NCOA2: variants seen among roughly 807,000 people sequenced by gnomAD.
NCOA2 encodes nuclear receptor coactivator 2.
In NCOA2, 21 loss-of-function variants were observed where a neutral mutation model predicts 145.1. The observed-to-expected ratio is 0.14, with a 90% CI of 0.10 to 0.21. The LOEUF is 0.21. NCOA2 is among the 10% of genes least tolerant of loss of function. NCOA2 has a pLI of 1.00. For synonymous variants in NCOA2, 619 were observed against 637.5 expected (o/e 0.97, Z 0.44); for missense variants, 1,472 against 1,837.6 (o/e 0.80, Z 3.64).
chr8:70,131,984 A>G lies in NCOA2; in HGVS notation c.3177T>C (p.Ser1059=), dbSNP rs747718361. ...ASQNRQPFGS[S]PDDLLCPHPA... ...GATGTGGACATAGCAAGTCATCTGG[A>G]GAACTGCCAAATGGCTGCCTGTAAA... is the stretch of plus-strand genomic sequence containing the variant. Residue 1059 remains serine, a synonymous_variant, in exon 16 of 23, where the codon TCT becomes TCC. Coordinates refer to ENST00000452400, the MANE Select transcript of NCOA2 (RefSeq NM_006540.4). 1.2e-6 allele frequency: 2 copies of G among 1,612,526 alleles called. No homozygotes were observed. Among genetic ancestry groups the G allele is most frequent in the Non-Finnish European group, 8.5e-7 (1 of 1,179,368 alleles).
At chr8:70,142,335 T>C (rs1021441296) in intron 13 of NCOA2, among the ~76,000 whole-genome samples, 10 of 152,206 alleles carry the variant, frequency 6.6e-5, no homozygotes, top group African/African-American at 2.4e-4. Context: ...ACATGCATTG[T>C]GGGCGTTTCT....
At chr8:70,249,779 A>T (rs1270501299) in intron 2 of NCOA2, among the ~76,000 whole-genome samples, 1 of 151,702 alleles carries the variant, frequency 6.6e-6, no homozygotes, top group Non-Finnish European at 1.5e-5. Flanking sequence ...CCTGGCTAAC[A>T]TGGTGAAACT....
chr8:70,276,353 G>C (rs921105906), intron 2 of NCOA2, among the ~76,000 whole-genome samples: 5 of 152,120 alleles, frequency 3.3e-5, no homozygotes, highest in Non-Finnish European at 7.3e-5. Context: ...TTAAAGAATA[G>C]CAAATTGAGG....
intron 2 of NCOA2, among the ~76,000 whole-genome samples, chr8:70,280,795 A>G (rs1432820982): frequency 1.3e-5 from 2 of 152,268 alleles, no homozygotes; most frequent in East Asian, 3.9e-4. Flanking sequence ...CTAGTTAGTT[A>G]TGCCTCATAG....
chr8:70,114,861 A>G (rs945242215), intron 22 of NCOA2, among the ~76,000 whole-genome samples: 4 of 152,220 alleles, frequency 2.6e-5, no homozygotes, highest in Non-Finnish European at 5.9e-5. Context: ...TGGGGAAAGT[A>G]TTGCCAGATC....
chr8:70,248,936 T>G (rs566618109), intron 2 of NCOA2, among the ~76,000 whole-genome samples: 181 of 152,098 alleles, frequency 1.2e-3, no homozygotes, highest in African/African-American at 4.2e-3. Flanking sequence ...ATTCTCCTAT[T>G]GGTAGACATT....
intron 2 of NCOA2, among the ~76,000 whole-genome samples, chr8:70,269,725 A>C (rs1824894021): frequency 6.6e-6 from 1 of 152,184 alleles, no homozygotes; most frequent in African/African-American, 2.4e-5. Flanking sequence ...CAATATACAA[A>C]ATATACATGT....
Position 70,170,098 on chromosome 8 carries a change from A to G in NCOA2, c.541+104T>C, listed in dbSNP as rs183247594. 43 of 1,098,040 alleles carry G rather than the reference A, an allele frequency of 3.9e-5. No individual in the cohort carries two copies. In the African/African-American group the frequency reaches 5.6e-4, roughly 14 times the overall value. The allele number at this position is 1,098,040 out of a possible 1,614,324, so 68.0% of individuals were successfully genotyped here. On this transcript the variant is annotated intron_variant, in intron 6 of 22. Coordinates refer to ENST00000452400, the MANE Select transcript of NCOA2 (RefSeq NM_006540.4). ...CCAGTCACTCTCCTCCCCATCTGAT[A>G]TAATATAGTTTTATTTGATCCACTT... is the stretch of plus-strand genomic sequence containing the variant.
At chr8:70,262,903 C>G (rs559210220) in intron 2 of NCOA2, among the ~76,000 whole-genome samples, 2 of 151,908 alleles carry the variant, frequency 1.3e-5, no homozygotes, top group Non-Finnish European at 2.9e-5. Flanking sequence ...AAATTAGACA[C>G]AGTAAGAGAT....
chr8:70,432,329 TC>T, the NCOA2 span, among the ~76,000 whole-genome samples: 3 of 152,230 alleles, frequency 2.0e-5, no homozygotes, highest in African/African-American at 7.2e-5. Flanking sequence ...GGTCTTCATT[TC>T]AGACTGGCAG....
intron 21 of NCOA2, 98 bp downstream of exon 21, chr8:70,123,786 G>A: frequency 2.0e-6 from 2 of 992,964 alleles, no homozygotes; most frequent in Non-Finnish European, 2.8e-6. Flanking sequence ...GTGGGAGTTG[G>A]TGGCTAAAGT....
At chr8:70,199,481 G>A (rs1817673756) in intron 4 of NCOA2, among the ~76,000 whole-genome samples, 1 of 151,596 alleles carries the variant, frequency 6.6e-6, no homozygotes, top group African/African-American at 2.4e-5. Flanking sequence ...AGTAGAGAGG[G>A]ATGGTCAACA....
chr8:70,280,957 G>A (rs1396829418), intron 2 of NCOA2, among the ~76,000 whole-genome samples: 1 of 151,896 alleles, frequency 6.6e-6, no homozygotes, highest in Admixed American at 6.6e-5. Context: ...ATGGGCATCT[G>A]CAGGGGAAGG....
chr8:70,374,714 A>G (rs1489854995), intron 1 of NCOA2, among the ~76,000 whole-genome samples: 3 of 151,718 alleles, frequency 2.0e-5, no homozygotes, highest in Non-Finnish European at 2.9e-5. Flanking sequence ...AGGTGGGAAG[A>G]TCGCTTGAGC....
At chr8:70,256,720 A>G (rs768900205) in intron 2 of NCOA2, among the ~76,000 whole-genome samples, 2 of 152,152 alleles carry the variant, frequency 1.3e-5, no homozygotes, top group Non-Finnish European at 2.9e-5. Context: ...ATGTCTCCCA[A>G]TTTACACATG....
At chr8:70,249,287 G>A (rs921605397) in intron 2 of NCOA2, among the ~76,000 whole-genome samples, 6 of 152,028 alleles carry the variant, frequency 3.9e-5, no homozygotes, top group Admixed American at 1.3e-4. Context: ...TATGATACAC[G>A]GTCAAAATTT....
chr8:70,407,486 T>C (rs1208566667), upstream of NCOA2, among the ~76,000 whole-genome samples: 1 of 152,144 alleles, frequency 6.6e-6, no homozygotes, highest in East Asian at 1.9e-4. Flanking sequence ...CTTGTATTTC[T>C]ACTACTCTGA....
rs10641831 is a variant in NCOA2 at position 70,162,911 on chromosome 8, ATTTTTTT to A, written c.833-64_833-58del. On this transcript the variant is annotated intron_variant, in intron 8 of 22. Coordinates refer to ENST00000452400, the MANE Select transcript of NCOA2 (RefSeq NM_006540.4). Reference sequence around the variant, plus strand: ...TGTTGATCTATTCTTTATGGAAATAATTTTTTTTTTTTTTTTTTTTTGAGACAGAGTC... The same window carrying A: ...TGTTGATCTATTCTTTATGGAAATAATTTTTTTTTTTTTTGAGACAGAGTC... The A allele has an allele frequency of 1.6e-5, 15 of 921,868 alleles. No homozygotes were observed. In the East Asian group the frequency reaches 2.9e-4, roughly 18 times the overall value. 57.1% of individuals were successfully genotyped at this position (921,868 alleles called of 1,614,324 possible). A position where few individuals can be genotyped will look rare whatever the true frequency, so the allele number is the denominator to read the frequency against.
At chr8:70,177,117 A>AG (rs1563573209) in intron 4 of NCOA2, among the ~76,000 whole-genome samples, 1 of 152,188 alleles carries the variant, frequency 6.6e-6, no homozygotes, top group Non-Finnish European at 1.5e-5. Flanking sequence ...GGGTCGCATC[A>AG]GGGGTCACAT....
Sources: gnomAD v4.1 joint callset for allele counts (sites outside exome capture counted in the v4.1 genomes callset) on GRCh38, gnomAD v4.1.1 for gene constraint, MANE v1.5 for transcripts, NCBI Gene and HGNC (gene_info 2026-07-23, HGNC 2026-07-21) for gene names.